Variants in PLA2R1 observed in about 807,000 individuals in gnomAD.
PLA2R1 encodes secretory phospholipase A2 receptor.
PLA2R1 carries 158 observed loss-of-function variants against 195.9 expected under a neutral mutation model. That is an observed-to-expected ratio of 0.81 (90% CI 0.71 to 0.92). PLA2R1 has a LOEUF of 0.92. PLA2R1 is among the 40% of genes least tolerant of loss of function. The pLI, the probability that PLA2R1 is intolerant of heterozygous loss-of-function variation, is 0.00. For synonymous variants in PLA2R1, 586 were observed against 598.2 expected (o/e 0.98, Z 0.30); for missense variants, 1,626 against 1,764.6 (o/e 0.92, Z 1.41).
intron 2 of PLA2R1, among the ~76,000 whole-genome samples, chr2:160,042,788 GGTGTGTGTGTGCGTGTGT>G (rs1694599213): frequency 7.4e-6 from 1 of 135,428 alleles, no homozygotes; most frequent in East Asian, 2.2e-4. Context: ...GACAGAGTGG[GGTGTGTGTGTGCGTGTGT>G]GTGTGTGTGT....
chr2:160,062,441 G>T lies in PLA2R1; in HGVS notation c.-38C>A, dbSNP rs990307356. 2 of 1,514,432 alleles carry T rather than the reference G, an allele frequency of 1.3e-6. No homozygotes were observed. Among genetic ancestry groups the T allele is most frequent in the Non-Finnish European group, 1.8e-6 (2 of 1,132,380 alleles). The allele number at this position is 1,514,432 out of a possible 1,614,324, so 93.8% of individuals were successfully genotyped here. ...GGCTCTCCGGGAGCCCCTTGTCCCG[G>T]GAGCCCCTTATCCCGGGAGCCCAGA... On this transcript the variant is annotated 5_prime_UTR_variant, in exon 1 of 30. Transcript: ENST00000283243.
chr2:160,030,675 T>C (rs888439961), intron 4 of PLA2R1, among the ~76,000 whole-genome samples: 10 of 152,200 alleles, frequency 6.6e-5, no homozygotes, highest in African/African-American at 2.4e-4. Flanking sequence ...TAAATTCCTT[T>C]GGATATTTCT....
intron 9 of PLA2R1, among the ~76,000 whole-genome samples, chr2:160,013,753 C>G (rs7599168): frequency 0.63 from 68,177 of 107,670 alleles, 20,797 homozygotes; most frequent in Non-Finnish European, 0.7. Flanking sequence ...GTGTGTGTGT[C>G]TCTCTCTCTC....
chr2:159,952,384 ATATGT>A (rs1363640690), intron 23 of PLA2R1, among the ~76,000 whole-genome samples: 2 of 152,246 alleles, frequency 1.3e-5, no homozygotes, highest in African/African-American at 2.4e-5. Flanking sequence ...TGTATAGAAC[ATATGT>A]TAGGATATGT....
intron 17 of PLA2R1, among the ~76,000 whole-genome samples, chr2:159,974,505 C>A (rs1388371847): frequency 6.6e-6 from 1 of 152,106 alleles, no homozygotes; most frequent in African/African-American, 2.4e-5. Context: ...ACTTTGCATG[C>A]GTATGGATTA....
intron 11 of PLA2R1, among the ~76,000 whole-genome samples, chr2:159,992,702 G>A (rs568452048): frequency 3.2e-4 from 49 of 151,912 alleles, no homozygotes; most frequent in African/African-American, 9.7e-4. Context: ...AGCCCGCATC[G>A]CCAAGTCAAT....
intron 26 of PLA2R1, among the ~76,000 whole-genome samples, chr2:159,947,169 G>A (rs946426397): frequency 1.3e-5 from 2 of 152,152 alleles, no homozygotes; most frequent in African/African-American, 4.8e-5. Context: ...CATGCAAAAG[G>A]AACGTTTTCT....
intron 11 of PLA2R1, among the ~76,000 whole-genome samples, chr2:159,995,848 A>C (rs1017734154): frequency 6.6e-6 from 1 of 152,014 alleles, no homozygotes; most frequent in Non-Finnish European, 1.5e-5. Flanking sequence ...AATCTCCTTC[A>C]CTATAGACAT....
At chr2:159,966,047 C>T (rs1688767512) in intron 20 of PLA2R1, among the ~76,000 whole-genome samples, 1 of 152,112 alleles carries the variant, frequency 6.6e-6, no homozygotes, top group Non-Finnish European at 1.5e-5. Flanking sequence ...TCTGTCTTCT[C>T]ATATGTAAAA....
At position 159,936,637 on chromosome 2, in the gene PLA2R1, AGTTAG is replaced by A. The variant is rs1350970280; in HGVS notation, c.*5136_*5140del. 8 of 152,072 alleles carry A rather than the reference AGTTAG, an allele frequency of 5.3e-5. No homozygotes were observed. Among genetic ancestry groups the A allele is most frequent in the Non-Finnish European group, 8.8e-5 (6 of 68,032 alleles). 9.4% of individuals were successfully genotyped at this position (152,072 alleles called of 1,614,324 possible). On this transcript the variant is annotated 3_prime_UTR_variant, in exon 30 of 30. Transcript: ENST00000283243. ...CAGAAGACTTCCTGGATTTCCTTTC[AGTTAG>A]GTTAGGTCATGTGACTAGTTCCAGC...
In PLA2R1 at chr2:160,045,097, G is replaced by C. The variant is rs149332956; in HGVS notation, c.170C>G (p.Ser57Trp). ...SLKKCIQAGK[S>W]VLTLENCKQA... ...CTTGCAGTTCTCCAGGGTCAGAACC[G>C]ATTTACCTGCTTGAATGCATTTCTT... The change falls in exon 2 of 30, where the codon TCG (serine) becomes TGG (tryptophan). Residue 57 changes from serine (S) to tryptophan (W), a missense_variant. Physicochemically the swap from Ser to Trp is radical, Grantham distance 177 (BLOSUM62 -3). Coordinates refer to ENST00000283243, the MANE Select transcript of PLA2R1 (RefSeq NM_007366.5). 2.5e-6 allele frequency: 4 copies of C among 1,612,556 alleles called. No homozygotes were observed. In the African/African-American group the frequency reaches 4.0e-5, roughly 16 times the overall value.
chr2:159,925,237 T>A, the PLA2R1 span, among the ~76,000 whole-genome samples: 1 of 152,074 alleles, frequency 6.6e-6, no homozygotes, highest in Non-Finnish European at 1.5e-5. Flanking sequence ...GTCTTAATTG[T>A]GTTACGGCAA....
chr2:159,976,401 T>G (rs1178044667), intron 16 of PLA2R1, among the ~76,000 whole-genome samples, 176 bp from the exon 17 acceptor site: 1 of 152,154 alleles, frequency 6.6e-6, no homozygotes, highest in African/African-American at 2.4e-5. Context: ...TTGCTTTTTT[T>G]CTTTGGTCTA....
At chr2:160,033,370 T>C (rs1173039280) in intron 3 of PLA2R1, among the ~76,000 whole-genome samples, 1 of 152,206 alleles carries the variant, frequency 6.6e-6, no homozygotes, top group Non-Finnish European at 1.5e-5. Context: ...GAAGAAGCTA[T>C]GATCCTTTCC....
chr2:159,961,829 A>C (rs1338440009), intron 20 of PLA2R1, among the ~76,000 whole-genome samples: 1 of 152,204 alleles, frequency 6.6e-6, no homozygotes, highest in African/African-American at 2.4e-5. Context: ...ATAATAGCAA[A>C]AGGCTGAACC....
chr2:159,990,837 G>A (rs181536980), intron 11 of PLA2R1, among the ~76,000 whole-genome samples: 168 of 137,370 alleles, frequency 1.2e-3, no homozygotes, highest in Middle Eastern at 4.6e-3. Context: ...CAAACGTAGT[G>A]GGCTTGCTCC....
chr2:160,015,605 T>TC (rs765189666), intron 9 of PLA2R1, among the ~76,000 whole-genome samples: 2 of 151,910 alleles, frequency 1.3e-5, no homozygotes, highest in Non-Finnish European at 2.9e-5. Context: ...GTAAGACAAA[T>TC]CCCCCCACCC....
chr2:159,956,146 T>C (rs906111661), intron 21 of PLA2R1, among the ~76,000 whole-genome samples: 1 of 152,230 alleles, frequency 6.6e-6, no homozygotes, highest in Non-Finnish European at 1.5e-5. Context: ...TATAATTGAT[T>C]AAATATCAAA....
intron 3 of PLA2R1, among the ~76,000 whole-genome samples, chr2:160,037,684 C>T (rs1694247106): frequency 6.6e-6 from 1 of 152,156 alleles, no homozygotes; most frequent in Admixed American, 6.5e-5. Context: ...TCTCCCCTTC[C>T]TTTGCACATG....
Sources: gnomAD v4.1 joint callset for allele counts (sites outside exome capture counted in the v4.1 genomes callset) on GRCh38, gnomAD v4.1.1 for gene constraint, MANE v1.5 for transcripts, NCBI Gene and HGNC (gene_info 2026-07-23, HGNC 2026-07-21) for gene names.